Variants in DISC1 observed in about 807,000 individuals in gnomAD.
The protein encoded by DISC1 is disrupted in schizophrenia 1 protein.
Under a neutral mutation model 84.5 loss-of-function variants are expected in DISC1, and 57 were observed. That is an observed-to-expected ratio of 0.67 (90% CI 0.55 to 0.84). The LOEUF is 0.84. Among genes scored for constraint, DISC1 ranks in the 40% least tolerant of loss-of-function variants. DISC1 has a pLI of 0.00. For missense variants in DISC1, 1,000 were observed against 1,057.8 expected (o/e 0.95, Z 0.76); for synonymous variants, 411 against 415.2 (o/e 0.99, Z 0.12).
chr1:231,771,829 G>A (rs1302211124), intron 6 of DISC1, among the ~76,000 whole-genome samples: 2 of 152,016 alleles, frequency 1.3e-5, no homozygotes, highest in Non-Finnish European at 2.9e-5. Context: ...TAAGAGACAG[G>A]GTCTTGCTTT....
intron 1 of DISC1, among the ~76,000 whole-genome samples, chr1:231,653,285 C>G (rs894373755): frequency 6.6e-6 from 1 of 152,214 alleles, no homozygotes; most frequent in Admixed American, 6.5e-5. Flanking sequence ...TTTAGGTTCT[C>G]TCCATTTGCT....
chr1:231,952,713 A>G (rs12040295), intron 9 of DISC1, among the ~76,000 whole-genome samples: 6,831 of 130,524 alleles, frequency 0.052, 169 homozygotes, highest in Middle Eastern at 0.12. Flanking sequence ...ATATATATAT[A>G]TGTATATATA....
chr1:232,026,294 G>T, intron 11 of DISC1, 141 bp from the exon 12 acceptor site: 1 of 618,548 alleles, frequency 1.6e-6, no homozygotes, highest in Non-Finnish European at 2.9e-6. Context: ...TCTCAAGTTT[G>T]ATACCCAGGG....
chr1:231,666,106 C>T (rs368485104), intron 1 of DISC1, among the ~76,000 whole-genome samples: 3 of 151,954 alleles, frequency 2.0e-5, no homozygotes, highest in Non-Finnish European at 2.9e-5. Context: ...TCCCTTAATC[C>T]GAATGTTAGA....
chr1:232,011,505 C>T (rs821628), intron 11 of DISC1, among the ~76,000 whole-genome samples: 42,621 of 151,978 alleles, frequency 0.28, 6,222 homozygotes, highest in South Asian at 0.36. Context: ...CAGCCGTTCT[C>T]TGAATTCATG....
chr1:231,643,920 C>T (rs1182800548), intron 1 of DISC1, among the ~76,000 whole-genome samples: 1 of 152,134 alleles, frequency 6.6e-6, no homozygotes, highest in African/African-American at 2.4e-5. Flanking sequence ...AGAGGTGCCA[C>T]CTTTTTCTAA....
At chr1:231,689,882 G>A (rs2064778959) in intron 1 of DISC1, among the ~76,000 whole-genome samples, 1 of 152,160 alleles carries the variant, frequency 6.6e-6, no homozygotes, top group South Asian at 2.1e-4. Context: ...TGGAGGGAAT[G>A]AGTGATATGG....
chr1:231,859,127 A>T (rs1417740476), intron 9 of DISC1, among the ~76,000 whole-genome samples: 1 of 152,110 alleles, frequency 6.6e-6, no homozygotes, highest in Non-Finnish European at 1.5e-5. Flanking sequence ...AACAATACCT[A>T]GTTTCCTGTA....
At chr1:231,975,548 G>A (rs1662668446) in intron 10 of DISC1, among the ~76,000 whole-genome samples, 1 of 152,188 alleles carries the variant, frequency 6.6e-6, no homozygotes, top group Non-Finnish European at 1.5e-5. Flanking sequence ...ATTTCCAACA[G>A]CAAAGATATG....
At chr1:232,025,597 C>T (rs1572676672) in intron 11 of DISC1, among the ~76,000 whole-genome samples, 2 of 132,492 alleles carry the variant, frequency 1.5e-5, no homozygotes, top group East Asian at 4.4e-4. Context: ...TCATCCTGCT[C>T]TTTTTTTTTT....
At chr1:231,996,441 C>T (rs1455117665) in intron 10 of DISC1, among the ~76,000 whole-genome samples, 1 of 152,118 alleles carries the variant, frequency 6.6e-6, no homozygotes, top group East Asian at 1.9e-4. Flanking sequence ...AATGGTAATG[C>T]CTAGGTTCTC....
At chr1:231,666,115 G>T (rs895391894) in intron 1 of DISC1, among the ~76,000 whole-genome samples, 1 of 152,070 alleles carries the variant, frequency 6.6e-6, no homozygotes, top group Non-Finnish European at 1.5e-5. Context: ...CCGAATGTTA[G>T]ATCTCTTCAA....
intron 10 of DISC1, among the ~76,000 whole-genome samples, chr1:232,006,484 G>T (rs1288450464): frequency 6.6e-6 from 1 of 152,130 alleles, no homozygotes; most frequent in Admixed American, 6.5e-5. Context: ...CAGCCCTAGA[G>T]ATCTCGGGAA....
At chr1:231,713,349 C>T (rs2068126018) in intron 3 of DISC1, among the ~76,000 whole-genome samples, 1 of 152,042 alleles carries the variant, frequency 6.6e-6, no homozygotes, top group Non-Finnish European at 1.5e-5. Flanking sequence ...TAGACAAATA[C>T]TTTAAAATGA....
At chr1:231,833,741 G>T (rs1053432141) in intron 9 of DISC1, among the ~76,000 whole-genome samples, 7 of 152,216 alleles carry the variant, frequency 4.6e-5, no homozygotes, top group African/African-American at 1.4e-4. Flanking sequence ...GGAAGTTCTT[G>T]TGTGCTGGAG....
intron 6 of DISC1, among the ~76,000 whole-genome samples, chr1:231,791,469 TATA>T (rs529959137): frequency 4.3e-4 from 65 of 152,208 alleles, no homozygotes; most frequent in Non-Finnish European, 8.1e-4. Context: ...TTCATAGAGT[TATA>T]ATAAGAATTT....
chr1:231,843,611 G>A (rs4658954), intron 9 of DISC1, among the ~76,000 whole-genome samples: 99,204 of 152,102 alleles, frequency 0.65, 32,833 homozygotes, highest in African/African-American at 0.77. Flanking sequence ...GAGGGGATAC[G>A]TTACAAAGTT....
In DISC1 at chr1:231,695,626, C is replaced by T. The variant is rs539732300; in HGVS notation, c.1047+821C>T. Among the ~76,000 whole-genome samples the T allele has an allele frequency of 8.7e-4, 131 of 150,814 alleles. No individual in the cohort carries two copies. The South Asian group carries it at 0.026, about 30-fold the overall frequency. On this transcript the variant is annotated intron_variant, in intron 2 of 12. Transcript: ENST00000439617. ...GTGCATGTAGGTGTGCCTGTGTGTG[C>T]GTGTGTGTGTGTGCATGTTTGTGCT... is the stretch of plus-strand genomic sequence containing the variant.
chr1:231,717,245 A>T (rs766557582), intron 3 of DISC1, among the ~76,000 whole-genome samples: 43 of 152,168 alleles, frequency 2.8e-4, no homozygotes, highest in Non-Finnish European at 3.2e-4. Context: ...GGAAATAAAA[A>T]CCTTTATGGT....
Sources: gnomAD v4.1 joint callset for allele counts (sites outside exome capture counted in the v4.1 genomes callset) on GRCh38, gnomAD v4.1.1 for gene constraint, MANE v1.5 for transcripts, NCBI Gene and HGNC (gene_info 2026-07-23, HGNC 2026-07-21) for gene names.